Variants in TEX14 observed in about 807,000 individuals in gnomAD.
TEX14 encodes inactive serine/threonine-protein kinase TEX14.
TEX14 carries 168 observed loss-of-function variants against 178.6 expected under a neutral mutation model. The ratio of observed to expected loss-of-function variants is 0.94; its 90% CI spans 0.83 to 1.07. The LOEUF (loss-of-function observed/expected upper bound fraction) is 1.07, where lower values mean the gene tolerates loss of function less well. Among genes scored for constraint, TEX14 ranks in the 50% least tolerant of loss-of-function variants. The pLI, the probability that TEX14 is intolerant of heterozygous loss-of-function variation, is 0.00. For synonymous variants in TEX14, 626 were observed against 634.1 expected, an observed-to-expected ratio of 0.99 and a Z score of 0.19; for missense variants, 1,730 against 1,753.6, an observed-to-expected ratio of 0.99 and a Z score of 0.24.
At chr17:58,657,995 A>C (rs1166730794) in intron 1 of TEX14, among the ~76,000 whole-genome samples, 1 of 152,198 alleles carries the variant, frequency 6.6e-6, no homozygotes, top group Non-Finnish European at 1.5e-5. Flanking sequence ...CAGATCAATA[A>C]ACTGGCTCAT....
rs144944039 is a variant in TEX14, at chr17:58,641,095, A to G, written c.137-10541T>C. ...TAACCACTCAAAGGTTATTTAAGCCAAGACTTGAATGATTAAAAAGTAGCC... is the reference window on the plus strand; with the variant it reads ...TAACCACTCAAAGGTTATTTAAGCCGAGACTTGAATGATTAAAAAGTAGCC... On this transcript the variant is annotated intron_variant, in intron 2 of 31. Transcript: ENST00000349033. 3.1e-3 allele frequency among the ~76,000 whole-genome samples: 467 copies of G among 152,258 alleles called. 3 individuals carry two copies. Among genetic ancestry groups the G allele is most frequent in the Non-Finnish European group, 2.8e-3 (193 of 68,018 alleles).
chr17:58,671,678 G>C (rs926169592), intron 1 of TEX14, among the ~76,000 whole-genome samples: 3 of 151,988 alleles, frequency 2.0e-5, no homozygotes, highest in African/African-American at 7.2e-5. Context: ...TTCTGGATTT[G>C]TTTCTTTCTC....
intron 2 of TEX14, chr17:58,631,578 T>TCAAAAA (rs1464463553): frequency 2.7e-5 from 4 of 149,796 alleles, no homozygotes; most frequent in Admixed American, 1.3e-4. Flanking sequence ...AACCTTATAC[T>TCAAAAA]CAAAAATTAA....
At chr17:58,631,228 G>A (rs2046279292) in intron 2 of TEX14, 4 of 704,120 alleles carry the variant, frequency 5.7e-6, no homozygotes, top group Non-Finnish European at 7.0e-6. Flanking sequence ...TTGGGAAGCC[G>A]AGGCGGGTAG....
In TEX14 at chr17:58,599,285, T is replaced by A; in HGVS notation, c.2060A>T (p.Glu687Val). 1 of 1,613,440 alleles carries A rather than the reference T, an allele frequency of 6.2e-7. No homozygotes were observed. Among genetic ancestry groups the A allele is most frequent in the Non-Finnish European group, 8.5e-7 (1 of 1,180,028 alleles). The part of the protein sequence containing the change: ...EDESSSKAET[E>V]YSFDDWDWQN... ...CCAGTCCCAGTCATCAAAAGAGTAC[T>A]CTGTCTCAGCTTTTGAAGAGCTCTC... Residue 687 changes from glutamate (E) to valine (V), a missense_variant, in exon 14 of 32, where the codon GAG (glutamate) becomes GTG (valine). Around this residue, in one of 2 missense-constraint regions of TEX14, gnomAD observed 941 missense variants for 1,072.4 expected, o/e 0.88. Transcript: ENST00000349033.
intron 20 of TEX14, among the ~76,000 whole-genome samples, chr17:58,578,539 A>T (rs2044734425): frequency 6.6e-6 from 1 of 152,192 alleles, no homozygotes; most frequent in Non-Finnish European, 1.5e-5. Flanking sequence ...AGAGAGGGGC[A>T]GAAAGAAGTG....
chr17:58,618,934 G>A (rs1244462381), intron 5 of TEX14, among the ~76,000 whole-genome samples: 1 of 152,190 alleles, frequency 6.6e-6, no homozygotes, highest in Non-Finnish European at 1.5e-5. Context: ...CAGATAATCA[G>A]CTATATGGTC....
chr17:58,584,855 A>G (rs1041277177), intron 18 of TEX14, among the ~76,000 whole-genome samples: 7 of 152,188 alleles, frequency 4.6e-5, no homozygotes, highest in African/African-American at 1.7e-4. Context: ...ATAATACCCA[A>G]GCCAATAGAT....
At chr17:58,627,741 G>A (rs1327025139) in intron 3 of TEX14, among the ~76,000 whole-genome samples, 7 of 142,124 alleles carry the variant, frequency 4.9e-5, no homozygotes. Flanking sequence ...CTGCACTCCA[G>A]CCTGGGTGAC....
intron 28 of TEX14, among the ~76,000 whole-genome samples, chr17:58,563,693 A>C (rs2044332768): frequency 4.6e-5 from 2 of 43,060 alleles, no homozygotes; most frequent in African/African-American, 8.9e-5. Flanking sequence ...AGAGAGAGAG[A>C]GAGAGAGAGC....
chr17:58,602,087 T>A, intron 12 of TEX14, 131 bp from the exon 13 acceptor site: 2 of 913,082 alleles, frequency 2.2e-6, no homozygotes, highest in Non-Finnish European at 3.3e-6. Context: ...TAGTCCTAAT[T>A]AACTAGTTTA....
intron 1 of TEX14, among the ~76,000 whole-genome samples, chr17:58,690,035 G>C (rs2047666355): frequency 6.6e-6 from 1 of 151,964 alleles, no homozygotes; most frequent in Admixed American, 6.6e-5. Context: ...ATTTTTAGTA[G>C]AGACGGGGTT....
At position 58,599,233 on chromosome 17, in the gene TEX14, G is replaced by GCTGAGTGAA. The variant is rs2045367421; in HGVS notation, c.2103_2111dup (p.Ser702_Ser704dup). 1 of 1,613,784 alleles carries GCTGAGTGAA rather than the reference G, an allele frequency of 6.2e-7. No individual in the cohort carries two copies. Among genetic ancestry groups the GCTGAGTGAA allele is most frequent in the Admixed American group, 1.7e-5 (1 of 59,994 alleles). On this transcript the variant is annotated inframe_insertion, in exon 14 of 32. Coordinates refer to ENST00000349033, the MANE Select transcript of TEX14 (RefSeq NM_031272.5). ...TGGCTTCTCTGGTTGACTCAGGAAG[G>GCTGAGTGAA]CTGAGTGAACTGAGTGAACCGTTTT...
intron 2 of TEX14, among the ~76,000 whole-genome samples, chr17:58,642,527 AT>A (rs1335910171): frequency 6.6e-6 from 1 of 150,740 alleles, no homozygotes; most frequent in Non-Finnish European, 1.5e-5. Flanking sequence ...ATTTTATTTT[AT>A]TTTATTTATT....
chr17:58,645,773 T>C (rs2046693584), intron 2 of TEX14, among the ~76,000 whole-genome samples: 1 of 152,226 alleles, frequency 6.6e-6, no homozygotes, highest in Non-Finnish European at 1.5e-5. Flanking sequence ...GTTAAAGATA[T>C]AGACAGTCAT....
chr17:58,663,660 G>A (rs1272810398), intron 1 of TEX14, among the ~76,000 whole-genome samples: 6 of 151,908 alleles, frequency 3.9e-5, no homozygotes, highest in Admixed American at 3.3e-4. Context: ...TAGAGATGGG[G>A]TTTCACCATG....
intron 1 of TEX14, among the ~76,000 whole-genome samples, chr17:58,665,527 C>T (rs980361491): frequency 6.6e-5 from 10 of 151,836 alleles, no homozygotes; most frequent in African/African-American, 1.7e-4. Flanking sequence ...ACCTGGGAGG[C>T]GGAGGTTGCA....
chr17:58,649,538 CAT>C (rs1174416791), intron 2 of TEX14, among the ~76,000 whole-genome samples: 6 of 152,128 alleles, frequency 3.9e-5, no homozygotes, highest in African/African-American at 1.2e-4. Flanking sequence ...TCCAGGTACA[CAT>C]GTTAACCCCA....
intron 1 of TEX14, among the ~76,000 whole-genome samples, chr17:58,659,686 T>G (rs1343994256): frequency 1.3e-5 from 2 of 152,162 alleles, no homozygotes; most frequent in Non-Finnish European, 2.9e-5. Flanking sequence ...TAGAAGTAAC[T>G]TTTGTTATTT....
Sources: gnomAD v4.1 joint callset for allele counts (sites outside exome capture counted in the v4.1 genomes callset) on GRCh38, gnomAD v4.1.1 for gene constraint, gnomAD v4.1.1 regional missense constraint, MANE v1.5 for transcripts, NCBI Gene and HGNC (gene_info 2026-07-23, HGNC 2026-07-21) for gene names.